Variants in FRY observed in about 807,000 individuals in gnomAD.
The protein encoded by FRY is protein furry homolog.
FRY carries 128 observed loss-of-function variants against 348.4 expected under a neutral mutation model. The observed-to-expected ratio is 0.37, with a 90% CI of 0.32 to 0.43. The LOEUF is 0.43. Among genes scored for constraint, FRY ranks in the 20% least tolerant of loss-of-function variants. The pLI, the probability that FRY is intolerant of heterozygous loss-of-function variation, is 1.00. For missense variants in FRY, 2,736 were observed against 3,695.2 expected, an observed-to-expected ratio of 0.74 and a Z score of 6.73; for synonymous variants, 1,370 against 1,374.7, an observed-to-expected ratio of 1.00 and a Z score of 0.08.
intron 7 of FRY, 106 bp downstream of exon 7, chr13:32,124,981 G>A: frequency 1.2e-6 from 1 of 815,602 alleles, no homozygotes; most frequent in Non-Finnish European, 2.2e-6. Flanking sequence ...AACTAGGTAG[G>A]GCTCTTTGCC....
At chr13:32,149,237 CT>C (rs1481852861) in intron 13 of FRY, among the ~76,000 whole-genome samples, 2 of 150,416 alleles carry the variant, frequency 1.3e-5, no homozygotes, top group African/African-American at 4.9e-5. Flanking sequence ...ATATACACCC[CT>C]GATATATTAA....
intron 3 of FRY, among the ~76,000 whole-genome samples, chr13:32,108,443 A>G (rs571553698): frequency 1.3e-5 from 2 of 152,374 alleles, no homozygotes; most frequent in Admixed American, 1.3e-4. Context: ...CTAGAAATTG[A>G]TCAATTTAGT....
chr13:32,037,924 A>G (rs1052162938), intron 1 of FRY, among the ~76,000 whole-genome samples: 3 of 152,196 alleles, frequency 2.0e-5, no homozygotes, highest in African/African-American at 7.2e-5. Context: ...GAGAAATGAC[A>G]TTTTACTATG....
chr13:32,047,033 G>A (rs1187865933), intron 1 of FRY, among the ~76,000 whole-genome samples: 3 of 152,108 alleles, frequency 2.0e-5, no homozygotes, highest in Admixed American at 1.3e-4. Context: ...TGTATGAGCT[G>A]TATATGGGTA....
chr13:32,254,010 A>G, intron 50 of FRY: 1 of 592,810 alleles, frequency 1.7e-6, no homozygotes, highest in Non-Finnish European at 3.0e-6. Flanking sequence ...TGATTCTTGA[A>G]CATTTTCCTG....
chr13:32,230,044 A>G (rs1197710719), intron 40 of FRY, among the ~76,000 whole-genome samples: 1 of 152,200 alleles, frequency 6.6e-6, no homozygotes, highest in African/African-American at 2.4e-5. Flanking sequence ...TAATTCATAA[A>G]ATTGTTTAAA....
At chr13:32,138,869 C>A (rs191983587) in intron 11 of FRY, among the ~76,000 whole-genome samples, 29 of 152,186 alleles carry the variant, frequency 1.9e-4, no homozygotes, top group Admixed American at 8.5e-4. Context: ...TTTCAAAATG[C>A]GTGATGCAGA....
intron 59 of FRY, among the ~76,000 whole-genome samples, chr13:32,293,838 A>C (rs1889495863): frequency 6.6e-6 from 1 of 152,258 alleles, no homozygotes. Flanking sequence ...GACAGCGTCC[A>C]TGGTCACAAT....
rs923991756 is a variant in FRY, at chr13:32,187,581, T to C, written c.3516T>C (p.Phe1172=). 1 of 1,612,282 alleles carries C rather than the reference T, an allele frequency of 6.2e-7. No individual in the cohort carries two copies. Among genetic ancestry groups the C allele is most frequent in the Non-Finnish European group, 8.5e-7 (1 of 1,178,332 alleles). The change falls in exon 28 of 61, where the codon TTT becomes TTC. Residue 1172 remains phenylalanine, a synonymous_variant. Coordinates refer to ENST00000542859, the MANE Select transcript of FRY (RefSeq NM_023037.3). ...CAGTACTGTGCTGTGGCCCTGTCTT[T>C]GACAATGTGGGCCTTTCCCCAGATG... ...MSAVLCCGPV[F]DNVGLSPDGY...
chr13:32,117,605 G>T (rs1301904603), intron 4 of FRY, 132 bp downstream of exon 4: 6 of 886,246 alleles, frequency 6.8e-6, no homozygotes, highest in Admixed American at 1.9e-5. Flanking sequence ...TGCTGCAGGG[G>T]CCCTGTGTCT....
chr13:32,154,927 T>G, intron 14 of FRY, among the ~76,000 whole-genome samples: 1 of 152,296 alleles, frequency 6.6e-6, no homozygotes, highest in Non-Finnish European at 1.5e-5. Context: ...ATCACATTTC[T>G]TCTTACACAC....
intron 1 of FRY, among the ~76,000 whole-genome samples, chr13:32,057,043 G>C (rs1043359155): frequency 6.6e-6 from 1 of 152,064 alleles, no homozygotes; most frequent in Admixed American, 6.5e-5. Context: ...CCTGTAAGTT[G>C]GAAAAAAATT....
Position 32,235,488 on chromosome 13 carries a change from G to C in FRY, c.5716-590G>C, listed in dbSNP as rs367821166. 1.1e-4 allele frequency among the ~76,000 whole-genome samples: 16 copies of C among 152,310 alleles called. No individual in the cohort carries two copies. The South Asian group carries it at 3.3e-3, about 32-fold the overall frequency. ...AAAATACGAAAATTAGCTAGGCGTG[G>C]TAGCACACGCCTATAATCCGAGCTA... On this transcript the variant is annotated intron_variant, in intron 42 of 60. Coordinates refer to ENST00000542859, the MANE Select transcript of FRY (RefSeq NM_023037.3).
Position 32,244,041 on chromosome 13 carries a change from G to A in FRY, c.6688-1G>A, listed in dbSNP as rs1379620508. 2 of 1,613,896 alleles carry A rather than the reference G, an allele frequency of 1.2e-6. No individual in the cohort carries two copies. Among genetic ancestry groups the A allele is most frequent in the Non-Finnish European group, 8.5e-7 (1 of 1,179,972 alleles). On this transcript the variant is annotated splice_acceptor_variant, in intron 46 of 60. Transcript: ENST00000542859. LOFTEE classifies it high-confidence loss of function. ...ACTCCAGCCGCACTTTGCCCCCACA[G>A]CTGCTGGAGAAGGGCCTCCCTAGTG... is the stretch of plus-strand genomic sequence containing the variant.
chr13:32,286,474 G>A (rs897988861), intron 58 of FRY, among the ~76,000 whole-genome samples: 24 of 152,070 alleles, frequency 1.6e-4, no homozygotes, highest in Admixed American at 1.2e-3. Context: ...CTGGCTGGGC[G>A]CGGTGGCTCA....
rs551439512 is a variant in FRY at position 32,234,485 on chromosome 13, G to A, written c.5528-89G>A. 1.1e-3 allele frequency: 1,208 copies of A among 1,128,078 alleles called. 16 individuals are homozygous for A. The South Asian group carries it at 0.014, about 13-fold the overall frequency. The allele number at this position is 1,128,078 out of a possible 1,614,324, so 69.9% of individuals were successfully genotyped here. A position where few individuals can be genotyped will look rare whatever the true frequency, so the allele number is the denominator to read the frequency against. On this transcript the variant is annotated intron_variant, in intron 41 of 60. Transcript: ENST00000542859. ...TACCACTACAAGGTAGCCCTGTGCCGTTAGCCTGTTTTAAACTTAGAGGTA... is the reference window on the plus strand; with the variant it reads ...TACCACTACAAGGTAGCCCTGTGCCATTAGCCTGTTTTAAACTTAGAGGTA...
chr13:32,254,689 TA>T (rs998833728), intron 51 of FRY, among the ~76,000 whole-genome samples: 4 of 150,500 alleles, frequency 2.7e-5, no homozygotes, highest in Admixed American at 6.6e-5. Context: ...AAGCTGGACT[TA>T]AAAAAAAAAT....
Position 32,178,950 on chromosome 13 carries a change from A to G in FRY, c.2788A>G (p.Ile930Val). 1 of 1,613,836 alleles carries G rather than the reference A, an allele frequency of 6.2e-7. No homozygotes were observed. Among genetic ancestry groups the G allele is most frequent in the Non-Finnish European group, 8.5e-7 (1 of 1,179,702 alleles). ...ILCFGVAKPS[I>V]MSPGHLRAST... ...TTGTTTTGGAGTTGCAAAACCCAGT[A>G]TTATGAGCCCAGGACACTTAAGAGC... The change falls in exon 22 of 61, where the codon ATT (isoleucine) becomes GTT (valine). Residue 930 changes from isoleucine to valine, a missense_variant. This residue lies in a region of FRY where 449 missense variants were observed against 576.9 expected (regional missense o/e 0.78). Transcript: ENST00000542859.
intron 7 of FRY, among the ~76,000 whole-genome samples, chr13:32,127,816 A>G (rs116375829): frequency 0.012 from 1,839 of 152,282 alleles, 48 homozygotes; most frequent in African/African-American, 0.042. Context: ...TTATTTTTAA[A>G]TGAGAAATAA....
Sources: allele counts gnomAD v4.1 joint callset (sites outside exome capture counted in the v4.1 genomes callset), GRCh38; gene constraint gnomAD v4.1.1; regional missense constraint gnomAD v4.1.1; transcripts MANE v1.5; gene names NCBI Gene and HGNC (gene_info 2026-07-23, HGNC 2026-07-21).